NEK1: variants seen among roughly 807,000 people sequenced by gnomAD.
NEK1 encodes NIMA related kinase 1, also known as serine/threonine-protein kinase Nek1.
In NEK1, 137 loss-of-function variants were observed where a neutral mutation model predicts 182.1. The ratio of observed to expected loss-of-function variants is 0.75; its 90% CI spans 0.65 to 0.87. The LOEUF (loss-of-function observed/expected upper bound fraction) is 0.87, where lower values mean the gene tolerates loss of function less well. Ranked by LOEUF, NEK1 falls within the 40% of genes least tolerant of loss-of-function variation. The pLI is 0.00. For missense variants in NEK1, 1,391 were observed against 1,494.4 expected, an observed-to-expected ratio of 0.93 and a Z score of 1.14; for synonymous variants, 513 against 492.2, an observed-to-expected ratio of 1.04 and a Z score of -0.56.
intron 27 of NEK1, among the ~76,000 whole-genome samples, chr4:169,448,060 C>T (rs1740918969): frequency 1.3e-5 from 2 of 151,046 alleles, no homozygotes; most frequent in Admixed American, 1.3e-4. Flanking sequence ...AAAAAAAATA[C>T]AAAAAAATTT....
chr4:169,549,590 T>C (rs1417558685), intron 18 of NEK1, among the ~76,000 whole-genome samples: 1 of 151,908 alleles, frequency 6.6e-6, no homozygotes, highest in Non-Finnish European at 1.5e-5. Context: ...GCCTGGCTAA[T>C]TTTTGTATTT....
chr4:169,607,340 C>G (rs1044805370), intron 2 of NEK1, among the ~76,000 whole-genome samples: 1 of 151,966 alleles, frequency 6.6e-6, no homozygotes, highest in African/African-American at 2.4e-5. Flanking sequence ...CATGAAGTTA[C>G]TAATAGAGGA....
In NEK1 at chr4:169,393,046, A is replaced by G. The variant is rs1319618628; in HGVS notation, c.*1464T>C. The G allele has an allele frequency of 6.6e-6, 1 of 152,146 alleles. No individual in the cohort carries two copies. Among genetic ancestry groups the G allele is most frequent in the Non-Finnish European group, 1.5e-5 (1 of 68,026 alleles). The allele number at this position is 152,146 out of a possible 1,614,324, so 9.4% of individuals were successfully genotyped here. On this transcript the variant is annotated 3_prime_UTR_variant, in exon 36 of 36. Transcript: ENST00000507142. ...ATGGCTAAAACAATTTTTTTCTACC[A>G]TATTATACCCTTTTCTAATAGTTGT...
intron 26 of NEK1, among the ~76,000 whole-genome samples, chr4:169,473,246 GAA>G (rs111395147): frequency 2.8e-4 from 36 of 129,342 alleles, no homozygotes; most frequent in African/African-American, 7.9e-4. Context: ...AGCCTGTCTT[GAA>G]AAAAAAAAAA....
chr4:169,458,973 T>C (rs1235954398), intron 27 of NEK1, among the ~76,000 whole-genome samples: 1 of 152,084 alleles, frequency 6.6e-6, no homozygotes, highest in Admixed American at 6.6e-5. Context: ...GGAATGTTCA[T>C]TGGAGCATTT....
At chr4:169,413,027 T>C (rs1351346516) in intron 31 of NEK1, among the ~76,000 whole-genome samples, 1 of 152,060 alleles carries the variant, frequency 6.6e-6, no homozygotes, top group East Asian at 1.9e-4. Flanking sequence ...TTTCAGACTG[T>C]TCTGATTTGT....
Position 169,559,153 on chromosome 4 carries a change from T to A in NEK1, c.1266+2327A>T, listed in dbSNP as rs181001694. Reference sequence around the variant, plus strand: ...TATGTAACTTGAAAATTGTCTCAGTTATTAAACATTAATAAAACTGATTAA... The same window carrying A: ...TATGTAACTTGAAAATTGTCTCAGTAATTAAACATTAATAAAACTGATTAA... On this transcript the variant is annotated intron_variant, in intron 16 of 35. Transcript: ENST00000507142. 2.6e-4 allele frequency among the ~76,000 whole-genome samples: 40 copies of A among 152,338 alleles called. No homozygotes were observed. In the South Asian group the frequency reaches 3.5e-3, roughly 13 times the overall value.
At chr4:169,529,105 G>A (rs2149783304) in intron 19 of NEK1, among the ~76,000 whole-genome samples, 1 of 152,252 alleles carries the variant, frequency 6.6e-6, no homozygotes, top group East Asian at 1.9e-4. Flanking sequence ...AAAATTTGTA[G>A]AATATGGCTA....
intron 5 of NEK1, among the ~76,000 whole-genome samples, chr4:169,592,236 C>T (rs1480053604): frequency 6.6e-6 from 1 of 152,038 alleles, no homozygotes; most frequent in Non-Finnish European, 1.5e-5. Context: ...ATTTATCCTA[C>T]AAATAATATC....
At chr4:169,595,643 G>A (rs1769312649) in intron 5 of NEK1, among the ~76,000 whole-genome samples, 2 of 152,050 alleles carry the variant, frequency 1.3e-5, no homozygotes, top group Admixed American at 6.5e-5. Flanking sequence ...GTGGAACCAG[G>A]CTGGGCGCAG....
intron 23 of NEK1, among the ~76,000 whole-genome samples, chr4:169,493,499 C>A (rs1472283483): frequency 6.6e-6 from 1 of 152,136 alleles, no homozygotes; most frequent in Non-Finnish European, 1.5e-5. Flanking sequence ...GGCAAGGAAA[C>A]TCCACAAGAT....
At chr4:169,478,768 T>C (rs1296490952) in intron 24 of NEK1, among the ~76,000 whole-genome samples, 1 of 152,170 alleles carries the variant, frequency 6.6e-6, no homozygotes, top group Non-Finnish European at 1.5e-5. Context: ...TGTTGAATTC[T>C]AGGCCGCAGC....
chr4:169,399,581 A>C (rs13105061), intron 35 of NEK1, among the ~76,000 whole-genome samples: 51 of 32,704 alleles, frequency 1.6e-3, no homozygotes, highest in African/African-American at 3.8e-3. Context: ...CAAAAAAAAC[A>C]AAAAAAAATG....
At chr4:169,426,300 A>G in intron 29 of NEK1, 66 bp from the exon 30 acceptor site, 1 of 1,281,178 alleles carries the variant, frequency 7.8e-7, no homozygotes, top group Non-Finnish European at 1.1e-6. Flanking sequence ...AAAGTGCTCT[A>G]AAATACAGGA....
intron 19 of NEK1, 128 bp downstream of exon 19, chr4:169,537,679 GTA>G: frequency 1.4e-6 from 1 of 718,852 alleles, no homozygotes; most frequent in Non-Finnish European, 2.5e-6. Context: ...TGACTTCTGA[GTA>G]TCTTTACTGC....
At position 169,445,863 on chromosome 4, in the gene NEK1, TATAC is replaced by T. The variant is rs1452584160; in HGVS notation, c.2588-7608_2588-7605del. ...ACAACTATATACATATATATATATA[TATAC>T]ACACACACACACACACACATGCACA... is the stretch of plus-strand genomic sequence containing the variant. On this transcript the variant is annotated intron_variant, in intron 27 of 35. Transcript: ENST00000507142. Among the ~76,000 whole-genome samples, 16 of 130,906 alleles carry T rather than the reference TATAC, an allele frequency of 1.2e-4. No individual in the cohort carries two copies. The South Asian group carries it at 3.7e-3, about 30-fold the overall frequency. 85.9% of individuals were successfully genotyped at this position (130,906 alleles called of 152,430 possible). A position where few individuals can be genotyped will look rare whatever the true frequency, so the allele number is the denominator to read the frequency against.
chr4:169,568,972 G>A (rs115793501), intron 12 of NEK1, among the ~76,000 whole-genome samples: 1,533 of 149,890 alleles, frequency 0.01, 11 homozygotes, highest in Middle Eastern at 0.021. Context: ...AAAACAAATA[G>A]GAAGGTCCAC....
intron 27 of NEK1, among the ~76,000 whole-genome samples, chr4:169,443,803 C>T (rs750580235): frequency 3.3e-5 from 5 of 151,908 alleles, no homozygotes; most frequent in African/African-American, 7.3e-5. Flanking sequence ...ATAAGGGCAC[C>T]CCCAACAGAC....
chr4:169,412,173 A>AC (rs1733788489), intron 31 of NEK1, among the ~76,000 whole-genome samples: 1 of 152,224 alleles, frequency 6.6e-6, no homozygotes, highest in Non-Finnish European at 1.5e-5. Context: ...AATCTGCCTT[A>AC]CAATAGCTTG....
Sources: allele counts gnomAD v4.1 joint callset (sites outside exome capture counted in the v4.1 genomes callset), GRCh38; gene constraint gnomAD v4.1.1; transcripts MANE v1.5; gene names NCBI Gene and HGNC (gene_info 2026-07-23, HGNC 2026-07-21).